The following TASP1 variants were observed in gnomAD, a reference collection of about 807,000 sequenced individuals.
TASP1 encodes the protein taspase 1.
A neutral mutation model predicts 56.6 loss-of-function variants in TASP1; 16 were observed. The ratio of observed to expected loss-of-function variants is 0.28; its 90% CI spans 0.19 to 0.43. The LOEUF is 0.43. Ranked by LOEUF, TASP1 falls within the 20% of genes least tolerant of loss-of-function variation. The pLI is 1.00. For synonymous variants in TASP1, 179 were observed against 184.2 expected, an observed-to-expected ratio of 0.97 and a Z score of 0.23; for missense variants, 393 against 511.6, an observed-to-expected ratio of 0.77 and a Z score of 2.24.
At chr20:13,370,960 T>C in the TASP1 span, among the ~76,000 whole-genome samples, 20 of 152,294 alleles carry the variant, frequency 1.3e-4, no homozygotes, top group Admixed American at 1.3e-3. Flanking sequence ...GGTATACAGT[T>C]ATCCATGCCA....
At chr20:13,480,809 T>TA (rs1369291790) in intron 11 of TASP1, among the ~76,000 whole-genome samples, 1 of 152,178 alleles carries the variant, frequency 6.6e-6, no homozygotes, top group Non-Finnish European at 1.5e-5. Flanking sequence ...TTTTATTTTT[T>TA]AACTTTTAAT....
At chr20:13,174,712 A>G in the TASP1 span, among the ~76,000 whole-genome samples, 4 of 152,148 alleles carry the variant, frequency 2.6e-5, no homozygotes, top group South Asian at 2.1e-4. Context: ...AAAAAAAAAA[A>G]AGAGATATTC....
chr20:13,268,761 C>T, the TASP1 span, among the ~76,000 whole-genome samples: 1 of 151,992 alleles, frequency 6.6e-6, no homozygotes, highest in Non-Finnish European at 1.5e-5. Context: ...TATAAAAATC[C>T]ATTCGCAGCT....
At chr20:13,205,969 G>T in the TASP1 span, among the ~76,000 whole-genome samples, 1 of 152,192 alleles carries the variant, frequency 6.6e-6, no homozygotes, top group African/African-American at 2.4e-5. Flanking sequence ...GTCATTGTTT[G>T]AGGACTGCTC....
the TASP1 span, among the ~76,000 whole-genome samples, chr20:13,113,456 C>T: frequency 6.6e-6 from 1 of 151,966 alleles, no homozygotes; most frequent in Non-Finnish European, 1.5e-5. Context: ...GAGCAGTCAG[C>T]CAAATCAGAA....
chr20:13,618,328 A>G (rs1328919315), intron 4 of TASP1, among the ~76,000 whole-genome samples: 5 of 152,062 alleles, frequency 3.3e-5, no homozygotes, highest in Admixed American at 3.3e-4. Flanking sequence ...CATGAGAATC[A>G]TTTGAACCCG....
the TASP1 span, among the ~76,000 whole-genome samples, chr20:13,313,883 T>C: frequency 2.0e-5 from 3 of 152,166 alleles, no homozygotes; most frequent in Non-Finnish European, 4.4e-5. Flanking sequence ...ATGAATAAAG[T>C]TGGCAACATG....
At chr20:13,223,470 A>G in the TASP1 span, among the ~76,000 whole-genome samples, 155 of 152,336 alleles carry the variant, frequency 1.0e-3, no homozygotes, top group African/African-American at 3.6e-3. Context: ...TGAGGTACAG[A>G]GAGGTTAAAA....
chr20:13,295,753 G>A, the TASP1 span, among the ~76,000 whole-genome samples: 1 of 152,224 alleles, frequency 6.6e-6, no homozygotes, highest in Admixed American at 6.5e-5. Context: ...GGGAATCCCA[G>A]CAAAAGTTGC....
chr20:13,342,711 G>A, the TASP1 span, among the ~76,000 whole-genome samples: 2 of 152,180 alleles, frequency 1.3e-5, no homozygotes, highest in East Asian at 3.9e-4. Flanking sequence ...CACATTTGGA[G>A]ATTTCACAAG....
At chr20:13,267,773 A>G in the TASP1 span, among the ~76,000 whole-genome samples, 1 of 152,228 alleles carries the variant, frequency 6.6e-6, no homozygotes, top group East Asian at 1.9e-4. Context: ...CATAGTAGGA[A>G]GAGTACTCCA....
the TASP1 span, among the ~76,000 whole-genome samples, chr20:13,171,647 T>C: frequency 1.3e-5 from 2 of 152,194 alleles, no homozygotes; most frequent in African/African-American, 4.8e-5. Flanking sequence ...TATTTGAGCA[T>C]CTATTGTTTC....
chr20:13,339,781 G>A, the TASP1 span, among the ~76,000 whole-genome samples: 1 of 151,968 alleles, frequency 6.6e-6, no homozygotes, highest in African/African-American at 2.4e-5. Context: ...TTTAGATGAT[G>A]AGAGGAGGGA....
the TASP1 span, among the ~76,000 whole-genome samples, chr20:13,281,170 T>A: frequency 6.6e-6 from 1 of 152,248 alleles, no homozygotes; most frequent in Admixed American, 6.5e-5. Context: ...TCCAGCACTA[T>A]GCTGGGTACA....
chr20:13,367,288 T>C, the TASP1 span, among the ~76,000 whole-genome samples: 1 of 152,254 alleles, frequency 6.6e-6, no homozygotes, highest in Admixed American at 6.5e-5. Flanking sequence ...GTTTCTTTAA[T>C]CAGTTGGATG....
At chr20:13,267,461 T>C in the TASP1 span, among the ~76,000 whole-genome samples, 1 of 152,190 alleles carries the variant, frequency 6.6e-6, no homozygotes, top group Non-Finnish European at 1.5e-5. Context: ...ACACTTCCCT[T>C]TCCATGTGTA....
chr20:13,545,030 T>C (rs2045755809), intron 8 of TASP1, among the ~76,000 whole-genome samples: 1 of 144,622 alleles, frequency 6.9e-6, no homozygotes, highest in Non-Finnish European at 1.6e-5. Context: ...TTATTTAACA[T>C]GAGATTTTTT....
At chr20:13,369,522 T>C in the TASP1 span, among the ~76,000 whole-genome samples, 1 of 152,370 alleles carries the variant, frequency 6.6e-6, no homozygotes, top group South Asian at 2.1e-4. Flanking sequence ...TGTATGTTCA[T>C]GTTCTGAGCA....
At chr20:13,552,027 A>G (rs1169892741) in intron 8 of TASP1, among the ~76,000 whole-genome samples, 1 of 152,214 alleles carries the variant, frequency 6.6e-6, no homozygotes, top group Non-Finnish European at 1.5e-5. Flanking sequence ...GATTGAAGGA[A>G]ACATCACAGG....
Sources: gnomAD v4.1 joint callset for allele counts (sites outside exome capture counted in the v4.1 genomes callset) on GRCh38, gnomAD v4.1.1 for gene constraint, MANE v1.5 for transcripts, NCBI Gene and HGNC (gene_info 2026-07-23, HGNC 2026-07-21) for gene names.